Variants in SCAPER observed in about 807,000 individuals in gnomAD.
The protein encoded by SCAPER is S phase cyclin A-associated protein in the endoplasmic reticulum.
A neutral mutation model predicts 182.2 loss-of-function variants in SCAPER; 98 were observed. The ratio of observed to expected loss-of-function variants is 0.54; its 90% confidence interval spans 0.46 to 0.64. The LOEUF (loss-of-function observed/expected upper bound fraction) is 0.64. Among genes scored for constraint, SCAPER ranks in the 30% least tolerant of loss-of-function variants. SCAPER has a pLI of 0.00. For missense variants in SCAPER, 1,432 were observed against 1,690.0 expected (o/e 0.85, Z 2.68); for synonymous variants, 605 against 564.6 (o/e 1.07, Z -1.01).
intron 25 of SCAPER, among the ~76,000 whole-genome samples, chr15:76,468,824 A>T (rs2049899050): frequency 6.6e-6 from 1 of 152,156 alleles, no homozygotes; most frequent in African/African-American, 2.4e-5. Flanking sequence ...TAATTTGGTC[A>T]TAAGGATGGA....
chr15:76,543,362 T>C (rs1039129152), intron 23 of SCAPER, among the ~76,000 whole-genome samples: 2 of 152,228 alleles, frequency 1.3e-5, no homozygotes, highest in African/African-American at 4.8e-5. Flanking sequence ...CAGTTTTTTC[T>C]TATTTAAAAT....
intron 22 of SCAPER, among the ~76,000 whole-genome samples, chr15:76,575,276 T>C (rs2047734290): frequency 6.6e-6 from 1 of 152,080 alleles, no homozygotes; most frequent in Non-Finnish European, 1.5e-5. Context: ...AAAATACTGG[T>C]AGGACTACTG....
chr15:76,805,011 C>G (rs763278557), intron 5 of SCAPER, among the ~76,000 whole-genome samples: 66 of 152,170 alleles, frequency 4.3e-4, no homozygotes, highest in Middle Eastern at 3.4e-3. Flanking sequence ...GAGTTCAAGA[C>G]CAACCTGGGC....
chr15:76,876,524 A>C (rs554813838), intron 2 of SCAPER, among the ~76,000 whole-genome samples: 10 of 152,240 alleles, frequency 6.6e-5, no homozygotes, highest in South Asian at 6.2e-4. Flanking sequence ...AGATATGAGA[A>C]CACCACCAAG....
At chr15:76,759,593 A>C (rs915627084) in intron 14 of SCAPER, among the ~76,000 whole-genome samples, 1 of 152,200 alleles carries the variant, frequency 6.6e-6, no homozygotes, top group Non-Finnish European at 1.5e-5. Context: ...GAAGGAATAA[A>C]CATTAAAACA....
At chr15:76,779,977 A>G (rs1318016476) in intron 8 of SCAPER, among the ~76,000 whole-genome samples, 1 of 152,200 alleles carries the variant, frequency 6.6e-6, no homozygotes, top group Non-Finnish European at 1.5e-5. Flanking sequence ...CGCAGAAGAA[A>G]GGATTTCTGC....
At chr15:76,757,575 C>T (rs2062525354) in intron 14 of SCAPER, among the ~76,000 whole-genome samples, 1 of 152,064 alleles carries the variant, frequency 6.6e-6, no homozygotes, top group African/African-American at 2.4e-5. Flanking sequence ...AACATGGGTG[C>T]ACAGGTATCT....
intron 5 of SCAPER, among the ~76,000 whole-genome samples, chr15:76,806,788 A>G (rs1024039506): frequency 2.6e-5 from 4 of 152,200 alleles, no homozygotes; most frequent in African/African-American, 9.6e-5. Context: ...ACTACTTTAA[A>G]TTTATGCCTA....
At chr15:76,709,602 C>G (rs2150857324) in intron 17 of SCAPER, among the ~76,000 whole-genome samples, 1 of 152,254 alleles carries the variant, frequency 6.6e-6, no homozygotes, top group East Asian at 1.9e-4. Context: ...AAAACCCAAG[C>G]CTGATGGCTT....
At chr15:76,878,035 A>C (rs899451889) in intron 2 of SCAPER, among the ~76,000 whole-genome samples, 8 of 152,196 alleles carry the variant, frequency 5.3e-5, no homozygotes, top group African/African-American at 1.9e-4. Context: ...AAGAAAAGTA[A>C]TATGCATATA....
chr15:76,720,360 G>C (rs1020254683), intron 17 of SCAPER, among the ~76,000 whole-genome samples: 30 of 151,974 alleles, frequency 2.0e-4, no homozygotes, highest in Non-Finnish European at 3.2e-4. Flanking sequence ...CCAAGTCTTT[G>C]CTATTGTGGA....
intron 23 of SCAPER, among the ~76,000 whole-genome samples, chr15:76,516,381 C>A (rs1421310185): frequency 6.6e-6 from 1 of 150,862 alleles, no homozygotes; most frequent in Admixed American, 6.6e-5. Flanking sequence ...CCACCCCACC[C>A]CCGCAACTGG....
intron 25 of SCAPER, among the ~76,000 whole-genome samples, chr15:76,459,097 C>A (rs2048958573): frequency 6.6e-6 from 1 of 151,848 alleles, no homozygotes; most frequent in Admixed American, 6.6e-5. Flanking sequence ...GACTATGTTG[C>A]CAAGGCTGGT....
Position 76,591,573 on chromosome 15 carries a change from C to G in SCAPER, c.2712-17289G>C, listed in dbSNP as rs544059044. Among the ~76,000 whole-genome samples, 483 of 152,294 alleles carry G rather than the reference C, an allele frequency of 3.2e-3. 5 individuals carry two copies. The highest frequency in any genetic ancestry group is 0.011 in the African/African-American group (461 of 41,568). On this transcript the variant is annotated intron_variant, in intron 22 of 31. Coordinates refer to ENST00000563290, the MANE Select transcript of SCAPER (RefSeq NM_020843.4). ...ACCTCTTGGGCTCAAGTGAGTCTCC[C>G]ACCTCAGCTTTCTGAGTAGCTGGGA...
intron 2 of SCAPER, 65 bp from the exon 3 acceptor site, chr15:76,862,598 T>A (rs985745018): frequency 1.8e-5 from 18 of 999,884 alleles, no homozygotes; most frequent in Non-Finnish European, 2.6e-5. Context: ...TTTAACAAAG[T>A]CATTATTTCT....
At chr15:76,631,600 A>T (rs936604095) in intron 21 of SCAPER, among the ~76,000 whole-genome samples, 1 of 152,136 alleles carries the variant, frequency 6.6e-6, no homozygotes, top group African/African-American at 2.4e-5. Flanking sequence ...TTTAAGAATG[A>T]TGAATACTGA....
intron 5 of SCAPER, among the ~76,000 whole-genome samples, chr15:76,806,995 T>C (rs868194096): frequency 2.5e-4 from 38 of 152,330 alleles, no homozygotes; most frequent in African/African-American, 7.5e-4. Context: ...TATAGAATCA[T>C]GTCATCTGCA....
At chr15:76,803,179 A>G (rs1330297552) in intron 6 of SCAPER, among the ~76,000 whole-genome samples, 1 of 152,172 alleles carries the variant, frequency 6.6e-6, no homozygotes, top group Non-Finnish European at 1.5e-5. Context: ...CTAGCTCTCT[A>G]GGCTCATCTC....
chr15:76,419,329 CAAAAAGAAAAAAAAAA>C (rs905197031), intron 26 of SCAPER, among the ~76,000 whole-genome samples: 1 of 77,624 alleles, frequency 1.3e-5, no homozygotes, highest in African/African-American at 4.2e-5. Context: ...AACTCCGTCT[CAAAAAGAAAAAAAAAA>C]AAAAAGAAAA....
Sources: allele counts gnomAD v4.1 joint callset (sites outside exome capture counted in the v4.1 genomes callset), GRCh38; gene constraint gnomAD v4.1.1; transcripts MANE v1.5; gene names NCBI Gene and HGNC (gene_info 2026-07-23, HGNC 2026-07-21).